SDHD: variants seen among roughly 807,000 people sequenced by gnomAD.
The protein encoded by SDHD is succinate dehydrogenase complex subunit D.
In SDHD, 6 loss-of-function variants were observed where a neutral mutation model predicts 18.7. That is an observed-to-expected ratio of 0.32 (90% CI 0.18 to 0.63). SDHD has a LOEUF of 0.63. Ranked by LOEUF, SDHD falls within the 30% of genes least tolerant of loss-of-function variation. The pLI is 0.79. For synonymous variants in SDHD, 56 were observed against 73.9 expected (o/e 0.76, Z 1.24); for missense variants, 160 against 192.7 (o/e 0.83, Z 1.00).
chr11:112,090,613 T>C (rs1250687439), intron 3 of SDHD, among the ~76,000 whole-genome samples: 1 of 152,148 alleles, frequency 6.6e-6, no homozygotes, highest in Non-Finnish European at 1.5e-5. Context: ...CTTAACCAAC[T>C]CTTTTATTTT....
chr11:112,093,791 T>C (rs1865790381), intron 3 of SDHD, among the ~76,000 whole-genome samples: 1 of 152,172 alleles, frequency 6.6e-6, no homozygotes, highest in Non-Finnish European at 1.5e-5. Context: ...TACTATTCAT[T>C]AGAGATGCCA....
intron 2 of SDHD, chr11:112,088,606 ATCT>A (rs1444568115): frequency 3.8e-6 from 2 of 526,982 alleles, no homozygotes; most frequent in East Asian, 7.0e-5. Context: ...TTTTTTATCC[ATCT>A]TCTTGGATCT....
intron 3 of SDHD, chr11:112,093,000 T>C (rs1051156448): frequency 3.9e-5 from 8 of 202,902 alleles, no homozygotes; most frequent in Non-Finnish European, 8.4e-5. Flanking sequence ...TTATGCTAAG[T>C]TGACACAAAG....
At chr11:112,094,712 G>T (rs1865806563) in intron 3 of SDHD, 93 bp from the exon 4 acceptor site, 1 of 1,165,268 alleles carries the variant, frequency 8.6e-7, no homozygotes, top group East Asian at 2.3e-5. Context: ...ATTTGAACTT[G>T]ACAGATTGTT....
In SDHD at chr11:112,094,841, G is replaced by T. The variant is rs1566702512; in HGVS notation, c.351G>T (p.Gly117=). ...LGQVVTDYVH[G]DALQKAAKAG... ...AAGTTGTTACTGACTATGTTCATGG[G>T]GATGCCTTGCAGAAAGCTGCCAAGG... is the stretch of plus-strand genomic sequence containing the variant. The change falls in exon 4 of 4, where the codon GGG becomes GGT. Residue 117 remains glycine, a synonymous_variant. Coordinates refer to ENST00000375549, the MANE Select transcript of SDHD (RefSeq NM_003002.4). 2 of 1,611,974 alleles carry T rather than the reference G, an allele frequency of 1.2e-6. No individual in the cohort carries two copies. The highest frequency in any genetic ancestry group is 1.7e-6 in the Non-Finnish European group (2 of 1,179,846).
chr11:112,087,235 C>T (rs1865629630), intron 1 of SDHD, among the ~76,000 whole-genome samples: 1 of 152,120 alleles, frequency 6.6e-6, no homozygotes, highest in Non-Finnish European at 1.5e-5. Flanking sequence ...TGTTTTCTCC[C>T]CGTTCACTGT....
At chr11:112,089,708 C>T (rs1865708909) in intron 3 of SDHD, among the ~76,000 whole-genome samples, 1 of 152,166 alleles carries the variant, frequency 6.6e-6, no homozygotes, top group African/African-American at 2.4e-5. Flanking sequence ...GTTCCTTCAT[C>T]TCCTTCAGGT....
At chr11:112,092,576 C>T (rs1029754070) in intron 3 of SDHD, among the ~76,000 whole-genome samples, 1 of 152,182 alleles carries the variant, frequency 6.6e-6, no homozygotes, top group Non-Finnish European at 1.5e-5. Context: ...GAGATGCCAC[C>T]TCACACCCCA....
chr11:112,090,193 C>T (rs779052544), intron 3 of SDHD, among the ~76,000 whole-genome samples: 11 of 152,220 alleles, frequency 7.2e-5, no homozygotes, highest in South Asian at 6.2e-4. Flanking sequence ...CCACAACCTC[C>T]GCCTCCCAGG....
Position 112,088,389 on chromosome 11 carries a change from G to A in SDHD, c.169+416G>A, listed in dbSNP as rs368250542. On this transcript the variant is annotated intron_variant, in intron 2 of 3. Transcript: ENST00000375549. ...TAAGTTTTGTACTTTTAGTAGAGAC[G>A]GGTTTCACCGTGTTGGCCGGGCTGG... The A allele has an allele frequency of 2.4e-5, 8 of 335,384 alleles. 1 individual carries two copies. Among genetic ancestry groups the A allele is most frequent in the South Asian group, 1.4e-4 (6 of 41,602 alleles). The allele number at this position is 335,384 out of a possible 1,614,324, so 20.8% of individuals were successfully genotyped here.
At chr11:112,087,818 G>A (rs1251468419) in intron 1 of SDHD, 39 bp from the exon 2 acceptor site, 1 of 1,321,726 alleles carries the variant, frequency 7.6e-7, no homozygotes, top group Non-Finnish European at 1.1e-6. Context: ...CCTGTTAAAG[G>A]AGAGGTTCTT....
rs1312096614 is a variant in SDHD, at chr11:112,095,309, T to C, written c.*339T>C. The C allele has an allele frequency of 2.7e-6, 1 of 374,146 alleles. No individual in the cohort carries two copies. Among genetic ancestry groups the C allele is most frequent in the African/African-American group, 2.0e-5 (1 of 49,786 alleles). The allele number at this position is 374,146 out of a possible 1,614,324, so 23.2% of individuals were successfully genotyped here. A position where few individuals can be genotyped will look rare whatever the true frequency, so the allele number is the denominator to read the frequency against. On this transcript the variant is annotated 3_prime_UTR_variant, in exon 4 of 4. Transcript: ENST00000375549. Reference sequence around the variant, plus strand: ...GAATCCAACTTTATTACGATTAGTATATGATCAAACTTCCATATTTGCCTT... The same window carrying C: ...GAATCCAACTTTATTACGATTAGTACATGATCAAACTTCCATATTTGCCTT...
At chr11:112,094,022 T>G (rs987311938) in intron 3 of SDHD, among the ~76,000 whole-genome samples, 1 of 152,208 alleles carries the variant, frequency 6.6e-6, no homozygotes, top group Non-Finnish European at 1.5e-5. Context: ...TTTTAGTTAT[T>G]TTTAGTTATT....
At position 112,095,367 on chromosome 11, in the gene SDHD, T is replaced by TA. The variant is rs1436094672; in HGVS notation, c.*397_*398insA. ...ATGGACAAAGGGAAATACTCTTAAT[T>TA]CATGAATAAAAACTTTGCAGAAAAT... On this transcript the variant is annotated 3_prime_UTR_variant, in exon 4 of 4. Coordinates refer to ENST00000375549, the MANE Select transcript of SDHD (RefSeq NM_003002.4). The TA allele has an allele frequency of 3.3e-6, 1 of 307,550 alleles. No homozygotes were observed. The highest frequency in any genetic ancestry group is 6.2e-6 in the Non-Finnish European group (1 of 162,292). 19.1% of individuals were successfully genotyped at this position (307,550 alleles called of 1,614,324 possible).
chr11:112,087,891 T>C lies in SDHD; in HGVS notation c.87T>C (p.Ala29=). 2.5e-6 allele frequency: 4 copies of C among 1,613,922 alleles called. No homozygotes were observed. The highest frequency in any genetic ancestry group is 3.4e-6 in the Non-Finnish European group (4 of 1,179,802). The change falls in exon 2 of 4, where the codon GCT becomes GCC. Residue 29 remains alanine (A), a synonymous_variant. Coordinates refer to ENST00000375549, the MANE Select transcript of SDHD (RefSeq NM_003002.4). ...TTCGAACTCCAGTGGTCAGACCTGC[T>C]CATATCTCAGCATTTCTTCAGGACC... ...LLLRTPVVRP[A]HISAFLQDRP... is the part of the protein sequence containing the mutation.
At chr11:112,087,120 A>C (rs916675733) in intron 1 of SDHD, among the ~76,000 whole-genome samples, 161 bp downstream of exon 1, 5 of 152,136 alleles carry the variant, frequency 3.3e-5, no homozygotes, top group African/African-American at 1.2e-4. Context: ...TGTTTACCCG[A>C]AGGTATATTT....
chr11:112,087,165 C>G (rs1244951073), intron 1 of SDHD, among the ~76,000 whole-genome samples: 1 of 152,152 alleles, frequency 6.6e-6, no homozygotes, highest in East Asian at 1.9e-4. Flanking sequence ...AGGGAATAAT[C>G]AGAAAGAGAG....
chr11:112,094,653 C>A, intron 3 of SDHD, 152 bp from the exon 4 acceptor site: 1 of 678,022 alleles, frequency 1.5e-6, no homozygotes, highest in Non-Finnish European at 2.6e-6. Flanking sequence ...TATACAGAAT[C>A]CCCTAAAGAA....
rs1419915374 is a variant in SDHD at position 112,095,277 on chromosome 11, T to C, written c.*307T>C. 2.4e-6 allele frequency: 1 copy of C among 422,266 alleles called. No homozygotes were observed. Among genetic ancestry groups the C allele is most frequent in the Admixed American group, 3.8e-5 (1 of 26,656 alleles). 26.2% of individuals were successfully genotyped at this position (422,266 alleles called of 1,614,324 possible). A position where few individuals can be genotyped will look rare whatever the true frequency, so the allele number is the denominator to read the frequency against. On this transcript the variant is annotated 3_prime_UTR_variant, in exon 4 of 4. Coordinates refer to ENST00000375549, the MANE Select transcript of SDHD (RefSeq NM_003002.4). ...TTTTGCCTTTCAATTTATCAATCTC[T>C]TAAAGAGAATCCAACTTTATTACGA... is the stretch of plus-strand genomic sequence containing the variant.
Sources: gnomAD v4.1 joint callset for allele counts (sites outside exome capture counted in the v4.1 genomes callset) on GRCh38, gnomAD v4.1.1 for gene constraint, MANE v1.5 for transcripts, NCBI Gene and HGNC (gene_info 2026-07-23, HGNC 2026-07-21) for gene names.